Variants in SPATA13 observed in about 807,000 individuals in gnomAD.
SPATA13 encodes the protein spermatogenesis-associated protein 13.
Under a neutral mutation model 104.0 loss-of-function variants are expected in SPATA13, and 50 were observed. That is an observed-to-expected ratio of 0.48 (90% CI 0.38 to 0.61). The LOEUF is 0.61. Ranked by LOEUF, SPATA13 falls within the 20% of genes least tolerant of loss-of-function variation. The pLI is 0.00. For missense variants in SPATA13, 1,524 were observed against 1,690.6 expected, an observed-to-expected ratio of 0.90 and a Z score of 1.73; for synonymous variants, 606 against 667.5, an observed-to-expected ratio of 0.91 and a Z score of 1.42.
chr13:24,006,223 G>T (rs1876221038), intron 2 of SPATA13, among the ~76,000 whole-genome samples: 1 of 152,160 alleles, frequency 6.6e-6, no homozygotes, highest in Non-Finnish European at 1.5e-5. Context: ...TTCATTAGTG[G>T]TTTTTTGTAT....
Position 24,224,311 on chromosome 13 carries a change from C to A in SPATA13, c.1382C>A (p.Pro461His). 1 of 1,551,760 alleles carries A rather than the reference C, an allele frequency of 6.4e-7. No homozygotes were observed. Among genetic ancestry groups the A allele is most frequent in the East Asian group, 2.4e-5 (1 of 40,916 alleles). The change falls in exon 2 of 13, where the codon CCC becomes CAC. Residue 461 changes from proline (P) to histidine (H), a missense_variant. Pro to His is a moderately conservative substitution (Grantham distance 77). Around this residue, in one of 2 missense-constraint regions of SPATA13, gnomAD observed 1,089 missense variants for 1,135.9 expected, o/e 0.96. Coordinates refer to ENST00000382108, the MANE Select transcript of SPATA13 (RefSeq NM_001166271.3). ...TTGACATTTGACCCTGAGCAGCCTC[C>A]CACCCCTCTAAGGCCCACCACACCC... ...SQLTFDPEQP[P>H]TPLRPTTPKP...
chr13:24,036,016 A>G (rs77645743), intron 3 of SPATA13, among the ~76,000 whole-genome samples: 7 of 61,652 alleles, frequency 1.1e-4, no homozygotes, highest in Non-Finnish European at 2.1e-4. Context: ...CCTGTCTCAA[A>G]AAAAAAAAAA....
upstream of SPATA13, among the ~76,000 whole-genome samples, chr13:24,159,216 T>C (rs1882363720): frequency 6.6e-6 from 1 of 152,152 alleles, no homozygotes; most frequent in Non-Finnish European, 1.5e-5. Context: ...AGAAATAAAA[T>C]GGAACAGTCA....
intron 3 of SPATA13, among the ~76,000 whole-genome samples, chr13:24,093,912 T>C (rs1037354416): frequency 6.6e-6 from 1 of 151,668 alleles, no homozygotes; most frequent in Non-Finnish European, 1.5e-5. Context: ...CAGCCTCAAC[T>C]GTAATCAGAC....
rs1881484639 is a variant in SPATA13, at chr13:24,134,312, T to G, written c.-111-88507T>G. 3.3e-5 allele frequency among the ~76,000 whole-genome samples: 5 copies of G among 152,170 alleles called. No homozygotes were observed. In the South Asian group the frequency reaches 1.0e-3, roughly 31 times the overall value. On this transcript the variant is annotated intron_variant, in intron 3 of 14. Coordinates refer to the SPATA13 transcript ENST00000424834. Reference sequence around the variant, plus strand: ...TACCCTAAAACCACACCATGAAAAGTGTAAGCCCTGGCCCCCTTCCCAGTG... The same window carrying G: ...TACCCTAAAACCACACCATGAAAAGGGTAAGCCCTGGCCCCCTTCCCAGTG...
At chr13:24,069,866 G>C (rs1879097106) in intron 3 of SPATA13, among the ~76,000 whole-genome samples, 1 of 152,200 alleles carries the variant, frequency 6.6e-6, no homozygotes, top group Non-Finnish European at 1.5e-5. Flanking sequence ...GTTGGGAAAT[G>C]GCAGGATTGA....
chr13:24,080,650 A>G (rs1338088666), intron 3 of SPATA13, among the ~76,000 whole-genome samples: 1 of 152,218 alleles, frequency 6.6e-6, no homozygotes, highest in Non-Finnish European at 1.5e-5. Context: ...CTGAGATTTC[A>G]TCGGTGGCCT....
chr13:23,982,394 C>G (rs1874943382), intron 1 of SPATA13, among the ~76,000 whole-genome samples: 1 of 152,132 alleles, frequency 6.6e-6, no homozygotes, highest in African/African-American at 2.4e-5. Flanking sequence ...AAGGCAAGGA[C>G]CAGGTCTTCT....
chr13:24,177,040 C>T (rs528499759), intron 1 of SPATA13, among the ~76,000 whole-genome samples: 2 of 152,330 alleles, frequency 1.3e-5, no homozygotes, highest in African/African-American at 4.8e-5. Context: ...GCTGGGATTA[C>T]AGGCACGAGC....
At chr13:23,997,123 G>C (rs539495496) in intron 2 of SPATA13, among the ~76,000 whole-genome samples, 1 of 152,324 alleles carries the variant, frequency 6.6e-6, no homozygotes, top group Non-Finnish European at 1.5e-5. Context: ...TCTTGAATAT[G>C]ATGACTTTTC....
intron 2 of SPATA13, among the ~76,000 whole-genome samples, chr13:24,246,163 A>G (rs1873121047): frequency 6.6e-6 from 1 of 152,218 alleles, no homozygotes; most frequent in South Asian, 2.1e-4. Context: ...ATTTGTGAGC[A>G]GGTGGACAGT....
At chr13:24,157,078 TA>T (rs1469110943), upstream of SPATA13, among the ~76,000 whole-genome samples, 1 of 152,216 alleles carries the variant, frequency 6.6e-6, no homozygotes, top group Non-Finnish European at 1.5e-5. Flanking sequence ...TCTGCTTCCC[TA>T]ACCCGGTCTA....
rs1348500512 is a variant in SPATA13, at chr13:24,303,200, T to C, written c.*427T>C. ...CACTTCTGCATTTGATTTTCAAGGA[T>C]GCCGTCAAGACGGGGTTGACACAAT... On this transcript the variant is annotated 3_prime_UTR_variant, in exon 13 of 13. Coordinates refer to ENST00000382108, the MANE Select transcript of SPATA13 (RefSeq NM_001166271.3). The C allele has an allele frequency of 2.5e-6, 1 of 402,376 alleles. No individual in the cohort carries two copies. Among genetic ancestry groups the C allele is most frequent in the African/African-American group, 2.1e-5 (1 of 48,374 alleles). The allele number at this position is 402,376 out of a possible 1,614,324, so 24.9% of individuals were successfully genotyped here.
chr13:24,176,149 G>C (rs1044654102), intron 1 of SPATA13, among the ~76,000 whole-genome samples: 1 of 152,100 alleles, frequency 6.6e-6, no homozygotes, highest in Admixed American at 6.6e-5. Context: ...AATTTCTCAG[G>C]CTTTATATCC....
chr13:24,211,716 T>C (rs7327973), intron 1 of SPATA13, among the ~76,000 whole-genome samples: 34,889 of 151,940 alleles, frequency 0.23, 4,372 homozygotes, highest in South Asian at 0.3. Flanking sequence ...CAGGATTATC[T>C]CATCCGGTGG....
At chr13:24,043,114 G>A (rs1196046965) in intron 3 of SPATA13, among the ~76,000 whole-genome samples, 3 of 152,152 alleles carry the variant, frequency 2.0e-5, no homozygotes, top group Non-Finnish European at 2.9e-5. Context: ...CTCTCCTTCA[G>A]CTTAGGTCAC....
intron 3 of SPATA13, among the ~76,000 whole-genome samples, chr13:24,155,635 A>G (rs940122274): frequency 5.3e-5 from 8 of 152,222 alleles, no homozygotes; most frequent in Non-Finnish European, 7.3e-5. Context: ...GGCTTTCTGC[A>G]GATTCTGGCC....
intron 1 of SPATA13, among the ~76,000 whole-genome samples, chr13:24,199,152 G>T (rs751100511): frequency 2.6e-5 from 4 of 152,018 alleles, no homozygotes; most frequent in Non-Finnish European, 4.4e-5. Flanking sequence ...GCCTTCCAAA[G>T]TTCTGGGATT....
chr13:24,297,059 A>G (rs1446062953), intron 10 of SPATA13, among the ~76,000 whole-genome samples: 1 of 152,026 alleles, frequency 6.6e-6, no homozygotes, highest in East Asian at 1.9e-4. Flanking sequence ...TTGTTTAGAG[A>G]GAAGGGTCTT....
Sources: gnomAD v4.1 joint callset for allele counts (sites outside exome capture counted in the v4.1 genomes callset) on GRCh38, gnomAD v4.1.1 for gene constraint, gnomAD v4.1.1 regional missense constraint, MANE v1.5 for transcripts, NCBI Gene and HGNC (gene_info 2026-07-23, HGNC 2026-07-21) for gene names.